Variants in CERS6 observed in about 807,000 individuals in gnomAD.
CERS6 encodes the protein LAG1 homolog, ceramide synthase 6.
CERS6 carries 26 observed loss-of-function variants against 56.8 expected under a neutral mutation model. The observed-to-expected ratio is 0.46, with a 90% CI of 0.34 to 0.63. The LOEUF is 0.63. Ranked by LOEUF, CERS6 falls within the 30% of genes least tolerant of loss-of-function variation. CERS6 has a pLI of 0.01. For synonymous variants in CERS6, 164 were observed against 173.3 expected, an observed-to-expected ratio of 0.95 and a Z score of 0.42; for missense variants, 415 against 467.5, an observed-to-expected ratio of 0.89 and a Z score of 1.04.
At chr2:168,483,636 C>A (rs1360317083) in intron 1 of CERS6, among the ~76,000 whole-genome samples, 1 of 152,188 alleles carries the variant, frequency 6.6e-6, no homozygotes, top group East Asian at 1.9e-4. Context: ...ATATTATGAG[C>A]ACGAGGAGCT....
At chr2:168,662,143 C>G (rs1220886978) in intron 4 of CERS6, among the ~76,000 whole-genome samples, 1 of 81,736 alleles carries the variant, frequency 1.2e-5, no homozygotes, top group African/African-American at 4.6e-5. Flanking sequence ...TTTTTTTTTT[C>G]AAATTCTGTA....
chr2:168,649,017 T>C (rs1008365366), intron 4 of CERS6, among the ~76,000 whole-genome samples: 1 of 152,152 alleles, frequency 6.6e-6, no homozygotes, highest in Non-Finnish European at 1.5e-5. Flanking sequence ...TTTGGTCCAA[T>C]GTTGAGTTTA....
chr2:168,618,552 G>A (rs546235833), intron 3 of CERS6, among the ~76,000 whole-genome samples: 4 of 152,108 alleles, frequency 2.6e-5, no homozygotes, highest in Non-Finnish European at 5.9e-5. Context: ...CAAAATTAAT[G>A]TACACAAGTC....
At chr2:168,715,777 G>C (rs1687213222) in intron 7 of CERS6, among the ~76,000 whole-genome samples, 1 of 152,070 alleles carries the variant, frequency 6.6e-6, no homozygotes, top group Non-Finnish European at 1.5e-5. Flanking sequence ...ACTTTTAACT[G>C]TGGCTCCTGT....
intron 1 of CERS6, among the ~76,000 whole-genome samples, chr2:168,534,571 G>T (rs1457717444): frequency 6.6e-6 from 1 of 152,146 alleles, no homozygotes; most frequent in African/African-American, 2.4e-5. Context: ...ACTCAAGGAG[G>T]CTGGAGAACA....
rs1306494245 is a variant in CERS6, at chr2:168,775,056, T to C, written c.*5394T>C. ...TGAAAATATAATTATTCATTCTTGA[T>C]CTCTGGAAGCAATCATTATTATGAG... is the stretch of plus-strand genomic sequence containing the variant. On this transcript the variant is annotated 3_prime_UTR_variant, in exon 10 of 10. Transcript: ENST00000305747. 1 of 152,228 alleles carries C rather than the reference T, an allele frequency of 6.6e-6. No homozygotes were observed. Among genetic ancestry groups the C allele is most frequent in the Non-Finnish European group, 1.5e-5 (1 of 68,040 alleles). The allele number at this position is 152,228 out of a possible 1,614,324, so 9.4% of individuals were successfully genotyped here. A position where few individuals can be genotyped will look rare whatever the true frequency, so the allele number is the denominator to read the frequency against.
At chr2:168,616,722 T>G (rs1684327302) in intron 3 of CERS6, among the ~76,000 whole-genome samples, 1 of 152,088 alleles carries the variant, frequency 6.6e-6, no homozygotes. Flanking sequence ...ACACTGGAGC[T>G]CCCAAATTTA....
At chr2:168,502,092 C>T (rs1203135971) in intron 1 of CERS6, among the ~76,000 whole-genome samples, 1 of 152,160 alleles carries the variant, frequency 6.6e-6, no homozygotes, top group South Asian at 2.1e-4. Flanking sequence ...TGGGCCAACA[C>T]ATTGCGAAGT....
intron 8 of CERS6, among the ~76,000 whole-genome samples, chr2:168,761,272 G>A (rs1346710642): frequency 6.6e-6 from 1 of 152,156 alleles, no homozygotes; most frequent in Non-Finnish European, 1.5e-5. Flanking sequence ...AATCAGAGGT[G>A]CCACTGATTG....
At chr2:168,668,181 A>G (rs1391846092) in intron 4 of CERS6, among the ~76,000 whole-genome samples, 2 of 152,190 alleles carry the variant, frequency 1.3e-5, no homozygotes, top group Admixed American at 1.3e-4. Context: ...TTGACTTTGC[A>G]TTGTATCCCA....
intron 3 of CERS6, among the ~76,000 whole-genome samples, chr2:168,569,342 ATGTG>A (rs1482086399): frequency 2.0e-5 from 3 of 152,180 alleles, no homozygotes; most frequent in Non-Finnish European, 4.4e-5. Flanking sequence ...GCTTCAACGT[ATGTG>A]TTCTGGGGGC....
intron 3 of CERS6, among the ~76,000 whole-genome samples, chr2:168,623,335 A>G (rs985999573): frequency 6.6e-6 from 1 of 152,212 alleles, no homozygotes; most frequent in African/African-American, 2.4e-5. Context: ...TCTAATATAT[A>G]GCACAGTAAG....
At chr2:168,497,165 A>G (rs926557192) in intron 1 of CERS6, among the ~76,000 whole-genome samples, 2 of 152,172 alleles carry the variant, frequency 1.3e-5, no homozygotes, top group Non-Finnish European at 2.9e-5. Context: ...AGAGAAAAAG[A>G]AAGTGTGGTA....
intron 3 of CERS6, among the ~76,000 whole-genome samples, chr2:168,607,882 C>CGT: frequency 6.6e-6 from 1 of 152,330 alleles, no homozygotes; most frequent in South Asian, 2.1e-4. Flanking sequence ...CGGAATGGAA[C>CGT]ATTACCTCAG....
At chr2:168,464,012 AT>A (rs772283147) in intron 1 of CERS6, among the ~76,000 whole-genome samples, 3 of 152,148 alleles carry the variant, frequency 2.0e-5, no homozygotes, top group Non-Finnish European at 2.9e-5. Flanking sequence ...AATAATTGGT[AT>A]TTAATTTTCT....
At chr2:168,734,244 G>A (rs546412724) in intron 8 of CERS6, among the ~76,000 whole-genome samples, 1 of 152,078 alleles carries the variant, frequency 6.6e-6, no homozygotes, top group Non-Finnish European at 1.5e-5. Context: ...AGCCTGCAGT[G>A]TATAGAAGGA....
chr2:168,647,604 A>G (rs1483347434), intron 4 of CERS6, among the ~76,000 whole-genome samples: 1 of 152,180 alleles, frequency 6.6e-6, no homozygotes, highest in Non-Finnish European at 1.5e-5. Context: ...TTCAAGGGGA[A>G]TGCTTCCAGC....
At chr2:168,650,115 C>G (rs746353082) in intron 4 of CERS6, among the ~76,000 whole-genome samples, 1 of 152,132 alleles carries the variant, frequency 6.6e-6, no homozygotes, top group African/African-American at 2.4e-5. Flanking sequence ...TTCCACGTAG[C>G]AGTGCTTTAC....
At chr2:168,501,139 G>A (rs1277426922) in intron 1 of CERS6, among the ~76,000 whole-genome samples, 2 of 152,208 alleles carry the variant, frequency 1.3e-5, no homozygotes, top group African/African-American at 4.8e-5. Context: ...GCAGTTCACT[G>A]TCGTTGTTGC....
Sources: allele counts gnomAD v4.1 joint callset (sites outside exome capture counted in the v4.1 genomes callset), GRCh38; gene constraint gnomAD v4.1.1; transcripts MANE v1.5; gene names NCBI Gene and HGNC (gene_info 2026-07-23, HGNC 2026-07-21).